Variants in UBE3D observed in about 807,000 individuals in gnomAD.
UBE3D encodes ubiquitin protein ligase E3D, also known as E3 ubiquitin-protein ligase E3D.
In UBE3D, 48 loss-of-function variants were observed where a neutral mutation model predicts 49.6. That is an observed-to-expected ratio of 0.97 (90% confidence interval 0.77 to 1.23). The LOEUF (loss-of-function observed/expected upper bound fraction) is 1.23, where lower values mean the gene tolerates loss of function less well. Among genes scored for constraint, UBE3D ranks in the 50% most tolerant of loss-of-function variants. The pLI is 0.00. For synonymous variants in UBE3D, 189 were observed against 174.2 expected, an observed-to-expected ratio of 1.08 and a Z score of -0.67; for missense variants, 452 against 468.4, an observed-to-expected ratio of 0.96 and a Z score of 0.32.
chr6:82,986,506 A>G (rs1582555436), intron 8 of UBE3D, among the ~76,000 whole-genome samples: 1 of 138,252 alleles, frequency 7.2e-6, no homozygotes, highest in Non-Finnish European at 1.6e-5. Flanking sequence ...AAACTTTTGT[A>G]CTCTTTTCCA....
intron 5 of UBE3D, among the ~76,000 whole-genome samples, chr6:83,028,173 T>C (rs1388560639): frequency 6.6e-6 from 1 of 152,184 alleles, no homozygotes; most frequent in East Asian, 1.9e-4. Flanking sequence ...ACACCTTTCA[T>C]TTTGCTAAAT....
intron 3 of UBE3D, among the ~76,000 whole-genome samples, chr6:83,053,294 G>A (rs1417965550): frequency 6.6e-6 from 1 of 152,126 alleles, no homozygotes; most frequent in Non-Finnish European, 1.5e-5. Flanking sequence ...ACTGAGATAA[G>A]GAACACTGGA....
chr6:82,895,358 T>C (rs1466402826), intron 9 of UBE3D, among the ~76,000 whole-genome samples: 4 of 152,202 alleles, frequency 2.6e-5, no homozygotes, highest in South Asian at 2.1e-4. Context: ...CTATACAGAA[T>C]AGTGATTTTC....
chr6:83,048,947 C>T (rs952995615), intron 3 of UBE3D, among the ~76,000 whole-genome samples: 21 of 151,548 alleles, frequency 1.4e-4, no homozygotes, highest in Middle Eastern at 3.4e-3. Context: ...AACAGTGAAA[C>T]GATTTCCTGA....
chr6:83,025,689 C>A (rs550826967), intron 5 of UBE3D, among the ~76,000 whole-genome samples: 104 of 151,886 alleles, frequency 6.8e-4, no homozygotes, highest in African/African-American at 2.4e-3. Flanking sequence ...TTGAGACCAG[C>A]CTGGCCAACA....
At chr6:82,999,453 A>G (rs773772097) in intron 8 of UBE3D, among the ~76,000 whole-genome samples, 2 of 151,994 alleles carry the variant, frequency 1.3e-5, no homozygotes, top group Non-Finnish European at 2.9e-5. Flanking sequence ...GGCGCGATCT[A>G]GGCTCATGGC....
intron 9 of UBE3D, among the ~76,000 whole-genome samples, chr6:82,945,840 GA>G (rs1775364087): frequency 6.6e-6 from 1 of 152,146 alleles, no homozygotes; most frequent in African/African-American, 2.4e-5. Flanking sequence ...AAAGAATCAA[GA>G]AGAAGTTCTG....
At chr6:82,894,552 C>T (rs1186748856) in intron 9 of UBE3D, among the ~76,000 whole-genome samples, 1 of 152,132 alleles carries the variant, frequency 6.6e-6, no homozygotes, top group Non-Finnish European at 1.5e-5. Flanking sequence ...TCTTGTGCTG[C>T]ACATAAAACC....
At chr6:82,924,467 T>G (rs553869409) in intron 9 of UBE3D, among the ~76,000 whole-genome samples, 1 of 152,320 alleles carries the variant, frequency 6.6e-6, no homozygotes, top group South Asian at 2.1e-4. Context: ...TTATGACAAC[T>G]GCATAGTAAC....
At chr6:82,967,423 G>A (rs754856160) in intron 8 of UBE3D, among the ~76,000 whole-genome samples, 2 of 151,746 alleles carry the variant, frequency 1.3e-5, no homozygotes, top group Non-Finnish European at 2.9e-5. Context: ...GTTCCATTAC[G>A]AGCATCTCTT....
intron 5 of UBE3D, chr6:83,037,116 T>A (rs767363848): frequency 1.3e-5 from 2 of 152,370 alleles, no homozygotes; most frequent in Non-Finnish European, 2.9e-5. Context: ...ATATACACTT[T>A]GAACCAATCA....
intron 9 of UBE3D, among the ~76,000 whole-genome samples, chr6:82,926,328 A>G (rs1227998112): frequency 6.6e-6 from 1 of 152,106 alleles, no homozygotes; most frequent in East Asian, 1.9e-4. Context: ...GTAATATTCC[A>G]TTGTCTGTAT....
At chr6:82,941,672 G>C (rs1018501124) in intron 9 of UBE3D, among the ~76,000 whole-genome samples, 13 of 152,162 alleles carry the variant, frequency 8.5e-5, no homozygotes, top group African/African-American at 2.9e-4. Context: ...GGCAGGACTA[G>C]GTGGAGGTAA....
chr6:82,898,167 A>T (rs964311262), intron 9 of UBE3D, among the ~76,000 whole-genome samples: 1 of 152,242 alleles, frequency 6.6e-6, no homozygotes, highest in Non-Finnish European at 1.5e-5. Context: ...ATCATTAAAA[A>T]GTCAGGAAAC....
chr6:83,005,311 T>TAA (rs547244727), intron 8 of UBE3D, among the ~76,000 whole-genome samples: 9 of 146,202 alleles, frequency 6.2e-5, no homozygotes, highest in Admixed American at 1.4e-4. Flanking sequence ...CGGCTATTAT[T>TAA]AAAAAAAAAA....
intron 5 of UBE3D, among the ~76,000 whole-genome samples, chr6:83,029,409 C>T (rs1007852931): frequency 8.6e-5 from 13 of 151,972 alleles, no homozygotes; most frequent in South Asian, 4.1e-4. Flanking sequence ...TTTTTCTTTA[C>T]GGTTACAGTA....
chr6:82,991,743 A>G (rs1348373021), intron 8 of UBE3D, among the ~76,000 whole-genome samples: 1 of 152,162 alleles, frequency 6.6e-6, no homozygotes, highest in East Asian at 1.9e-4. Context: ...TGAGCAGTTA[A>G]GATTTACTTT....
Position 83,024,039 on chromosome 6 carries a change from C to A in UBE3D, c.668-1G>T. On this transcript the variant is annotated splice_acceptor_variant, in intron 5 of 9. Coordinates refer to ENST00000369747, the MANE Select transcript of UBE3D (RefSeq NM_198920.3). LOFTEE classifies it high-confidence loss of function. ...TCTGTCATATAAAACTTGGTGGTTT[C>A]TAGAAACAAAAAAGAAAATTAAGAC... The A allele has an allele frequency of 1.3e-6, 2 of 1,508,788 alleles. No individual in the cohort carries two copies. The highest frequency in any genetic ancestry group is 1.8e-6 in the Non-Finnish European group (2 of 1,130,836). The allele number at this position is 1,508,788 out of a possible 1,614,324, so 93.5% of individuals were successfully genotyped here.
chr6:82,901,799 T>C (rs1171622781), intron 9 of UBE3D, among the ~76,000 whole-genome samples: 4 of 152,148 alleles, frequency 2.6e-5, no homozygotes, highest in African/African-American at 9.7e-5. Context: ...TTATATCCAG[T>C]CCTATTTCCC....
Sources: allele counts gnomAD v4.1 joint callset (sites outside exome capture counted in the v4.1 genomes callset), GRCh38; gene constraint gnomAD v4.1.1; transcripts MANE v1.5; gene names NCBI Gene and HGNC (gene_info 2026-07-23, HGNC 2026-07-21).